RNF2: variants seen among roughly 807,000 people sequenced by gnomAD.
RNF2 encodes E3 ubiquitin-protein ligase RING2.
RNF2 carries 6 observed loss-of-function variants against 37.2 expected under a neutral mutation model. That is an observed-to-expected ratio of 0.16 (90% CI 0.09 to 0.32). The LOEUF is 0.32. Ranked by LOEUF, RNF2 falls within the 10% of genes least tolerant of loss-of-function variation. The probability of loss-of-function intolerance (pLI) is 1.00; values close to 1 mark genes in which losing one functional copy is unlikely to be tolerated. For missense variants in RNF2, 251 were observed against 404.0 expected (o/e 0.62, Z 3.25); for synonymous variants, 133 against 132.7 (o/e 1.00, Z -0.02).
rs546899004 is a variant in RNF2 at position 185,047,990 on chromosome 1, T to TATA, written c.-3+2345_-3+2347dup. On this transcript the variant is annotated intron_variant, in intron 1 of 6. Transcript: ENST00000367510. ...GCCCATATAATTTGGGGTACAAAGG[T>TATA]ATAATAGCATTTACACAGTCCATTC... Among the ~76,000 whole-genome samples the TATA allele has an allele frequency of 9.8e-5, 15 of 152,310 alleles. No individual in the cohort carries two copies. In the South Asian group the frequency reaches 2.9e-3, roughly 29 times the overall value.
chr1:185,047,948 T>C (rs1332613361), intron 1 of RNF2, among the ~76,000 whole-genome samples: 1 of 152,234 alleles, frequency 6.6e-6, no homozygotes, highest in Non-Finnish European at 1.5e-5. Context: ...TTTATTTGCA[T>C]TTAATACTGA....
chr1:185,096,428 T>C (rs890393276), intron 4 of RNF2, among the ~76,000 whole-genome samples: 4 of 152,208 alleles, frequency 2.6e-5, no homozygotes, highest in Non-Finnish European at 5.9e-5. Flanking sequence ...TGAAACCCTG[T>C]ATCCATTAAG....
intron 1 of RNF2, among the ~76,000 whole-genome samples, chr1:185,079,445 C>T (rs542899576): frequency 5.3e-5 from 8 of 152,200 alleles, no homozygotes; most frequent in East Asian, 1.9e-4. Flanking sequence ...CCTGAGTCTT[C>T]GTAATAAGGA....
At position 185,053,819 on chromosome 1, in the gene RNF2, G is replaced by A. The variant is rs145557965; in HGVS notation, c.-3+8170G>A. ...GACATTAAGTAGTATTAGGTCTTGTGTGCCTGTGTTTTAATAAATAAGATT... is the reference window on the plus strand; with the variant it reads ...GACATTAAGTAGTATTAGGTCTTGTATGCCTGTGTTTTAATAAATAAGATT... On this transcript the variant is annotated intron_variant, in intron 1 of 6. Coordinates refer to ENST00000367510, the MANE Select transcript of RNF2 (RefSeq NM_007212.4). Among the ~76,000 whole-genome samples the A allele has an allele frequency of 1.1e-4, 17 of 152,126 alleles. No homozygotes were observed. In the East Asian group the frequency reaches 2.7e-3, roughly 24 times the overall value.
chr1:185,095,998 T>A (rs1229222711), intron 4 of RNF2, among the ~76,000 whole-genome samples: 2 of 152,196 alleles, frequency 1.3e-5, no homozygotes, highest in Non-Finnish European at 2.9e-5. Flanking sequence ...ATGTTCTTTA[T>A]ATGAACATAT....
rs973067507 is a variant in RNF2 at position 185,100,761 on chromosome 1, A to T, written c.*460A>T. ...TATAGTTTTCTATATAAACTGTAGT[A>T]TCTTCATGAAGACCCAAGGCTCAAA... On this transcript the variant is annotated 3_prime_UTR_variant, in exon 7 of 7. Coordinates refer to ENST00000367510, the MANE Select transcript of RNF2 (RefSeq NM_007212.4). 6.6e-6 allele frequency: 1 copy of T among 152,512 alleles called. No homozygotes were observed. Among genetic ancestry groups the T allele is most frequent in the Non-Finnish European group, 1.5e-5 (1 of 68,020 alleles). 9.4% of individuals were successfully genotyped at this position (152,512 alleles called of 1,614,324 possible).
At chr1:185,061,965 T>G (rs1650619921) in intron 1 of RNF2, among the ~76,000 whole-genome samples, 1 of 152,236 alleles carries the variant, frequency 6.6e-6, no homozygotes, top group Admixed American at 6.5e-5. Flanking sequence ...GAAGCAGTGC[T>G]TCTTTACCAT....
chr1:185,099,183 C>G (rs1476336127), intron 5 of RNF2, among the ~76,000 whole-genome samples: 1 of 151,608 alleles, frequency 6.6e-6, no homozygotes, highest in Non-Finnish European at 1.5e-5. Flanking sequence ...TCCCAAGTAG[C>G]TGGGATTACA....
chr1:185,100,178 T>A, intron 6 of RNF2, 22 bp from the exon 7 acceptor site: 1 of 1,537,116 alleles, frequency 6.5e-7, no homozygotes, highest in East Asian at 2.3e-5. Flanking sequence ...TTTCATAATT[T>A]TTTCTTTCTT....
chr1:185,098,792 G>A (rs1021461253), intron 5 of RNF2, among the ~76,000 whole-genome samples: 31 of 149,416 alleles, frequency 2.1e-4, no homozygotes, highest in African/African-American at 5.9e-4. Flanking sequence ...TTGCTCTGTC[G>A]CCAGGCTGGA....
intron 1 of RNF2, among the ~76,000 whole-genome samples, chr1:185,086,114 T>C (rs1651593376): frequency 1.3e-5 from 2 of 152,330 alleles, no homozygotes; most frequent in African/African-American, 4.8e-5. Flanking sequence ...TCTTTCTTTT[T>C]AAGGTTTATT....
intron 2 of RNF2, among the ~76,000 whole-genome samples, chr1:185,090,863 T>C (rs1651747347): frequency 6.6e-6 from 1 of 152,190 alleles, no homozygotes; most frequent in African/African-American, 2.4e-5. Context: ...AATTTTACAT[T>C]GGAACTCCAG....
chr1:185,077,621 C>CTTTTTT (rs1553241118), intron 1 of RNF2, among the ~76,000 whole-genome samples: 2 of 111,594 alleles, frequency 1.8e-5, no homozygotes, highest in South Asian at 2.5e-4. Flanking sequence ...TAGGAATTAA[C>CTTTTTT]TTTGTTTTTT....
chr1:185,050,089 G>A (rs1355944164), intron 1 of RNF2, among the ~76,000 whole-genome samples: 2 of 152,220 alleles, frequency 1.3e-5, no homozygotes, highest in Non-Finnish European at 2.9e-5. Flanking sequence ...AAATGATCTG[G>A]ACGAATAGTG....
Position 185,101,345 on chromosome 1 carries a change from TA to T in RNF2, c.*1046del, listed in dbSNP as rs750307173. On this transcript the variant is annotated 3_prime_UTR_variant, in exon 7 of 7. Transcript: ENST00000367510. ...TCAGTTTATAAATTTGGCGCTCTTTTAATTACACTCTGTAGAAGGTTAATAG... is the reference window on the plus strand; with the variant it reads ...TCAGTTTATAAATTTGGCGCTCTTTTATTACACTCTGTAGAAGGTTAATAG... The T allele has an allele frequency of 1.3e-5, 2 of 152,600 alleles. No homozygotes were observed. The highest frequency in any genetic ancestry group is 2.9e-5 in the Non-Finnish European group (2 of 67,996). The allele number at this position is 152,600 out of a possible 1,614,324, so 9.5% of individuals were successfully genotyped here.
Position 185,093,077 on chromosome 1 carries a change from A to G in RNF2, c.265A>G (p.Thr89Ala). ...ALRSGNKECPTCRKKLVSKRS... is the reference protein window; with the variant it reads ...ALRSGNKECPACRKKLVSKRS... ...TTTATTTAGCAACAAAGAATGTCCTACCTGTCGGAAAAAACTAGTTTCCAA... is the reference window on the plus strand; with the variant it reads ...TTTATTTAGCAACAAAGAATGTCCTGCCTGTCGGAAAAAACTAGTTTCCAA... The change falls in exon 4 of 7, where the codon ACC becomes GCC. Residue 89 changes from threonine to alanine, a missense_variant. Coordinates refer to ENST00000367510, the MANE Select transcript of RNF2 (RefSeq NM_007212.4). The G allele has an allele frequency of 6.2e-7, 1 of 1,613,836 alleles. No homozygotes were observed. Among genetic ancestry groups the G allele is most frequent in the Non-Finnish European group, 8.5e-7 (1 of 1,179,804 alleles).
At chr1:185,093,999 G>A (rs1458388735) in intron 4 of RNF2, among the ~76,000 whole-genome samples, 1 of 151,980 alleles carries the variant, frequency 6.6e-6, no homozygotes, top group Non-Finnish European at 1.5e-5. Context: ...TTCTCCATAT[G>A]GGTATCTAAT....
chr1:185,085,920 G>A (rs1651583533), intron 1 of RNF2, among the ~76,000 whole-genome samples: 1 of 152,082 alleles, frequency 6.6e-6, no homozygotes, highest in South Asian at 2.1e-4. Context: ...CCAAAGTGCT[G>A]GGATTATAGG....
intron 1 of RNF2, among the ~76,000 whole-genome samples, chr1:185,077,351 A>T (rs1314546169): frequency 6.7e-6 from 1 of 149,468 alleles, no homozygotes; most frequent in Non-Finnish European, 1.5e-5. Flanking sequence ...CCATAACATG[A>T]CGTAGGACTT....
Sources: allele counts gnomAD v4.1 joint callset (sites outside exome capture counted in the v4.1 genomes callset), GRCh38; gene constraint gnomAD v4.1.1; transcripts MANE v1.5; gene names NCBI Gene and HGNC (gene_info 2026-07-23, HGNC 2026-07-21).